TTC6: variants seen among roughly 807,000 people sequenced by gnomAD.
The protein encoded by TTC6 is tetratricopeptide repeat domain 6.
TTC6 carries 172 observed loss-of-function variants against 210.4 expected under a neutral mutation model. The ratio of observed to expected loss-of-function variants is 0.82; its 90% CI spans 0.72 to 0.93. The LOEUF (loss-of-function observed/expected upper bound fraction) is 0.93. Among genes scored for constraint, TTC6 ranks in the 40% least tolerant of loss-of-function variants. TTC6 has a pLI of 0.00. For synonymous variants in TTC6, 804 were observed against 819.6 expected (o/e 0.98, Z 0.32); for missense variants, 2,414 against 2,318.1 (o/e 1.04, Z -0.85).
chr14:37,643,102 G>A (rs912578146), intron 1 of TTC6, among the ~76,000 whole-genome samples: 5 of 152,144 alleles, frequency 3.3e-5, no homozygotes, highest in African/African-American at 1.2e-4. Context: ...GAGGTCAGGA[G>A]TTTGTGACCA....
intron 29 of TTC6, among the ~76,000 whole-genome samples, chr14:37,832,250 A>G (rs1490184824): frequency 6.6e-6 from 1 of 151,000 alleles, no homozygotes; most frequent in Non-Finnish European, 1.5e-5. Context: ...ACAAAAATAT[A>G]ACTTCATTTT....
intron 20 of TTC6, among the ~76,000 whole-genome samples, chr14:37,799,353 A>G (rs921296553): frequency 5.3e-5 from 8 of 152,108 alleles, no homozygotes; most frequent in South Asian, 2.1e-4. Flanking sequence ...TTACTCTGGC[A>G]CAACCAAATC....
At chr14:37,645,815 C>T (rs1160683574) in intron 1 of TTC6, among the ~76,000 whole-genome samples, 2 of 152,128 alleles carry the variant, frequency 1.3e-5, no homozygotes, top group Non-Finnish European at 1.5e-5. Context: ...GGCAGTGGTT[C>T]TCAGTACTAT....
chr14:37,703,788 C>T (rs1566899212), intron 5 of TTC6, among the ~76,000 whole-genome samples: 1 of 152,164 alleles, frequency 6.6e-6, no homozygotes, highest in East Asian at 1.9e-4. Flanking sequence ...GAGAACTATA[C>T]AAATATCTTG....
At chr14:37,796,319 T>G in exon 19 of TTC6, 1 of 1,287,712 alleles carries the variant, frequency 7.8e-7, no homozygotes, top group South Asian at 1.3e-5. Context: ...TATGATGAAA[T>G]ATTATGATCT....
At chr14:37,806,503 A>G (rs2096118874) in exon 22 of TTC6, 1 of 1,528,772 alleles carries the variant, frequency 6.5e-7, no homozygotes, top group African/African-American at 1.4e-5. Flanking sequence ...AATCCAAAAC[A>G]TTACCAGGTA....
At chr14:37,743,835 T>G (rs1239491935) in intron 10 of TTC6, among the ~76,000 whole-genome samples, 1 of 152,164 alleles carries the variant, frequency 6.6e-6, no homozygotes, top group Non-Finnish European at 1.5e-5. Flanking sequence ...AGAGTACTGA[T>G]CACAATTTCA....
chr14:37,786,776 A>G (rs559791592), intron 14 of TTC6, among the ~76,000 whole-genome samples: 61 of 152,210 alleles, frequency 4.0e-4, no homozygotes, highest in Non-Finnish European at 7.8e-4. Context: ...ACCTCCCACT[A>G]TTTTTATTTC....
At chr14:37,731,927 A>G (rs1201092361) in intron 7 of TTC6, among the ~76,000 whole-genome samples, 1 of 151,992 alleles carries the variant, frequency 6.6e-6, no homozygotes, top group Non-Finnish European at 1.5e-5. Context: ...TACCCATTGT[A>G]TGCTTAATTT....
intron 1 of TTC6, among the ~76,000 whole-genome samples, chr14:37,677,017 T>G (rs61988009): frequency 0.31 from 46,449 of 151,876 alleles, 7,144 homozygotes; most frequent in South Asian, 0.4. Flanking sequence ...TTGTTTTTCT[T>G]TTTCAAGATT....
chr14:37,830,320 A>T (rs1198688946), intron 29 of TTC6, among the ~76,000 whole-genome samples: 1 of 151,990 alleles, frequency 6.6e-6, no homozygotes, highest in East Asian at 1.9e-4. Context: ...CTTAGAGTTG[A>T]CCACTGCAGG....
intron 21 of TTC6, among the ~76,000 whole-genome samples, chr14:37,805,683 T>C (rs1207240705): frequency 2.6e-5 from 4 of 152,130 alleles, no homozygotes; most frequent in South Asian, 2.1e-4. Flanking sequence ...TCTATTGTTC[T>C]GAAGTGTTTT....
At chr14:37,823,299 C>T (rs143321470) in intron 26 of TTC6, among the ~76,000 whole-genome samples, 2 of 152,072 alleles carry the variant, frequency 1.3e-5, no homozygotes, top group African/African-American at 4.8e-5. Context: ...GTAAGGACTC[C>T]CATGTGATGA....
At chr14:37,778,159 G>A (rs2096043733) in intron 14 of TTC6, among the ~76,000 whole-genome samples, 1 of 151,998 alleles carries the variant, frequency 6.6e-6, no homozygotes, top group Admixed American at 6.5e-5. Context: ...TGTGCTGGTG[G>A]GCATAGGGAT....
intron 17 of TTC6, 107 bp from the exon 20 acceptor site, chr14:37,795,163 A>C: frequency 3.2e-6 from 2 of 617,588 alleles, no homozygotes; most frequent in Non-Finnish European, 5.3e-6. Context: ...CATGTATGTT[A>C]GGAGATGTCC....
At chr14:37,610,592 A>G (rs2095632666) in intron 2 of TTC6, among the ~76,000 whole-genome samples, 2 of 152,214 alleles carry the variant, frequency 1.3e-5, no homozygotes, top group South Asian at 4.1e-4. Flanking sequence ...ACACAAAACA[A>G]TGGTTTATCA....
exon 11 of TTC6, chr14:37,749,026 A>G (rs1424793616): frequency 1.3e-6 from 2 of 1,535,572 alleles, no homozygotes. Flanking sequence ...GTCCCAGTTT[A>G]CCTTTGTATT....
chr14:37,668,341 T>C (rs1205385227), intron 1 of TTC6, among the ~76,000 whole-genome samples: 1 of 150,606 alleles, frequency 6.6e-6, no homozygotes. Flanking sequence ...ACAATATTAC[T>C]ATAGCTCTCA....
At chr14:37,767,886 C>G (rs1458795587) in intron 14 of TTC6, among the ~76,000 whole-genome samples, 2 of 145,294 alleles carry the variant, frequency 1.4e-5, no homozygotes, top group Non-Finnish European at 3.1e-5. Context: ...ATGCCTATGT[C>G]CTGAATGGTA....
Sources: allele counts gnomAD v4.1 joint callset (sites outside exome capture counted in the v4.1 genomes callset), GRCh38; gene constraint gnomAD v4.1.1; transcripts MANE v1.5; gene names NCBI Gene and HGNC (gene_info 2026-07-23, HGNC 2026-07-21).